Variants in KIRREL1 observed in about 807,000 individuals in gnomAD.
The protein encoded by KIRREL1 is kin of IRRE-like protein 1.
KIRREL1 carries 25 observed loss-of-function variants against 83.3 expected under a neutral mutation model. The ratio of observed to expected loss-of-function variants is 0.30; its 90% CI spans 0.22 to 0.42. The LOEUF is 0.42. KIRREL1 is among the 10% of genes least tolerant of loss of function. The pLI is 1.00. For synonymous variants in KIRREL1, 388 were observed against 410.4 expected (o/e 0.95, Z 0.66); for missense variants, 812 against 1,032.3 (o/e 0.79, Z 2.92).
chr1:158,067,128 C>T (rs1229946311), intron 1 of KIRREL1, among the ~76,000 whole-genome samples: 1 of 152,168 alleles, frequency 6.6e-6, no homozygotes, highest in Non-Finnish European at 1.5e-5. Flanking sequence ...TTTCCAGCAT[C>T]ACTTCCAGCC....
At chr1:158,006,767 C>G (rs1659529921) in intron 1 of KIRREL1, among the ~76,000 whole-genome samples, 1 of 152,222 alleles carries the variant, frequency 6.6e-6, no homozygotes, top group Admixed American at 6.5e-5. Flanking sequence ...GACCCTCCTC[C>G]TCTCTCCACG....
chr1:158,005,818 G>A (rs6698985), intron 1 of KIRREL1, among the ~76,000 whole-genome samples: 79,702 of 151,758 alleles, frequency 0.53, 21,264 homozygotes, highest in East Asian at 0.71. Context: ...CATGATGAGC[G>A]AACTCACTCT....
rs990471574 is a variant in KIRREL1 at position 158,050,985 on chromosome 1, T to C, written c.53-25128T>C. 5.3e-5 allele frequency among the ~76,000 whole-genome samples: 8 copies of C among 152,228 alleles called. No homozygotes were observed. The East Asian group carries it at 1.5e-3, about 29-fold the overall frequency. Reference sequence around the variant, plus strand: ...TGAAAACTTAAGAGCAGGAAGTTCTTCTTCATGTCTACCTTCGGTTTCTCC... The same window carrying C: ...TGAAAACTTAAGAGCAGGAAGTTCTCCTTCATGTCTACCTTCGGTTTCTCC... On this transcript the variant is annotated intron_variant, in intron 1 of 14. Coordinates refer to ENST00000359209, the MANE Select transcript of KIRREL1 (RefSeq NM_018240.7).
chr1:158,038,436 G>A (rs531996638), intron 1 of KIRREL1, among the ~76,000 whole-genome samples: 1 of 151,538 alleles, frequency 6.6e-6, no homozygotes, highest in East Asian at 1.9e-4. Flanking sequence ...AAGCAGAGTG[G>A]CATGAAAAAA....
chr1:157,994,197 A>AT (rs1473879317), intron 1 of KIRREL1, among the ~76,000 whole-genome samples: 4 of 152,012 alleles, frequency 2.6e-5, no homozygotes, highest in African/African-American at 4.8e-5. Flanking sequence ...TGCCAAGGGG[A>AT]TCCCCCTACT....
chr1:158,058,699 T>C (rs1661132247), intron 1 of KIRREL1, among the ~76,000 whole-genome samples: 1 of 152,146 alleles, frequency 6.6e-6, no homozygotes, highest in African/African-American at 2.4e-5. Context: ...TTTCAGTCCC[T>C]CGGGGATCTT....
rs61585802 is a variant in KIRREL1 at position 158,086,423 on chromosome 1, A to AACACACACAC, written c.511-155_511-146dup. Among the ~76,000 whole-genome samples, 14 of 148,394 alleles carry AACACACACAC rather than the reference A, an allele frequency of 9.4e-5. No individual in the cohort carries two copies. The East Asian group carries it at 1.2e-3, about 13-fold the overall frequency. On this transcript the variant is annotated intron_variant, in intron 4 of 14. Transcript: ENST00000359209. The stretch of plus-strand genomic sequence containing the variant: ...AAGATAATTAGTAGTCTATTGATTA[A>AACACACACAC]ACACACACACACACACACACACACA...
At chr1:158,061,108 C>T (rs1661205506) in intron 1 of KIRREL1, among the ~76,000 whole-genome samples, 1 of 151,730 alleles carries the variant, frequency 6.6e-6, no homozygotes. Context: ...AACCTAACCC[C>T]CCATCCATCC....
intron 1 of KIRREL1, among the ~76,000 whole-genome samples, chr1:158,072,842 G>A (rs2101620582): frequency 6.8e-6 from 1 of 147,236 alleles, no homozygotes; most frequent in East Asian, 2.1e-4. Context: ...GCAGTGAGGT[G>A]CAGGCCTCGG....
At chr1:158,089,114 C>T (rs1473419153) in intron 8 of KIRREL1, among the ~76,000 whole-genome samples, 1 of 152,128 alleles carries the variant, frequency 6.6e-6, no homozygotes, top group Non-Finnish European at 1.5e-5. Flanking sequence ...CTGGAGTCTA[C>T]AGCTCTGCAG....
intron 1 of KIRREL1, among the ~76,000 whole-genome samples, chr1:158,044,648 G>A (rs900331857): frequency 2.6e-5 from 4 of 152,040 alleles, no homozygotes; most frequent in Admixed American, 6.6e-5. Context: ...ACAGGCATGC[G>A]CCACCATGCC....
In KIRREL1 at chr1:158,087,798, G is replaced by A. The variant is rs1662059792; in HGVS notation, c.705G>A (p.Gln235=). 2 of 1,614,124 alleles carry A rather than the reference G, an allele frequency of 1.2e-6. No homozygotes were observed. The highest frequency in any genetic ancestry group is 1.7e-6 in the Non-Finnish European group (2 of 1,180,014). ...TGTCCATTGAGCCACAGACGGTGCA[G>A]GAGGGTGAGCGTGTTGTCTTTACCT... ...VTLSIEPQTV[Q]EGERVVFTCQ... The change falls in exon 6 of 15, where the codon CAG becomes CAA. Residue 235 remains glutamine (Q), a synonymous_variant. Transcript: ENST00000359209.
chr1:158,091,464 A>G lies in KIRREL1; in HGVS notation c.1379A>G (p.Asn460Ser). ...SGVLSTLTINNVMEADFQTHY... is the reference protein window; with the variant it reads ...SGVLSTLTINSVMEADFQTHY... ...GTGCTATCCACGCTCACCATCAACA[A>G]TGTCATGGAGGCCGACTTTCAGACT... is the stretch of plus-strand genomic sequence containing the variant. The change falls in exon 11 of 15, where the codon AAT (asparagine) becomes AGT (serine). Residue 460 changes from asparagine (N) to serine (S), a missense_variant. Physicochemically the swap from Asn to Ser is conservative, Grantham distance 46. This residue lies in a region of KIRREL1 where 472 missense variants were observed against 626.8 expected (regional missense o/e 0.75). Transcript: ENST00000359209. The G allele has an allele frequency of 1.2e-6, 2 of 1,614,220 alleles. No individual in the cohort carries two copies. Among genetic ancestry groups the G allele is most frequent in the Non-Finnish European group, 1.7e-6 (2 of 1,180,040 alleles).
chr1:157,995,942 C>T lies in KIRREL1; in HGVS notation c.52+2214C>T, dbSNP rs564256621. Among the ~76,000 whole-genome samples, 3 of 151,720 alleles carry T rather than the reference C, an allele frequency of 2.0e-5. No individual in the cohort carries two copies. The South Asian group carries it at 6.3e-4, about 32-fold the overall frequency. Reference sequence around the variant, plus strand: ...GTAGGGGTCTGGGGAGACTGGGACACACATGGGGGTGGAGAGCTTGGCAGG... The same window carrying T: ...GTAGGGGTCTGGGGAGACTGGGACATACATGGGGGTGGAGAGCTTGGCAGG... On this transcript the variant is annotated intron_variant, in intron 1 of 14. Coordinates refer to ENST00000359209, the MANE Select transcript of KIRREL1 (RefSeq NM_018240.7).
chr1:158,017,547 G>T (rs1162268627), intron 1 of KIRREL1, among the ~76,000 whole-genome samples: 1 of 151,930 alleles, frequency 6.6e-6, no homozygotes, highest in African/African-American at 2.4e-5. Flanking sequence ...ATACAAATTA[G>T]CTAGGCATGG....
At position 158,091,522 on chromosome 1, in the gene KIRREL1, G is replaced by C. The variant is rs1181660026; in HGVS notation, c.1437G>C (p.Gly479=). ...ACTGCACCGCCTGGAACAGCTTCGGGCCAGGCACAGCCATCATCCAGCTGG... is the reference window on the plus strand; with the variant it reads ...ACTGCACCGCCTGGAACAGCTTCGGCCCAGGCACAGCCATCATCCAGCTGG... ...HYNCTAWNSF[G]PGTAIIQLEE... The change falls in exon 11 of 15, where the codon GGG becomes GGC. Residue 479 remains glycine, a synonymous_variant. Transcript: ENST00000359209. 3.7e-6 allele frequency: 6 copies of C among 1,614,124 alleles called. No homozygotes were observed. The highest frequency in any genetic ancestry group is 5.1e-6 in the Non-Finnish European group (6 of 1,180,064).
At chr1:158,091,597 CCTGAGGATTCTGCTCCTT>C (rs1558019111) in intron 11 of KIRREL1, 41 bp downstream of exon 11, 3 of 1,584,216 alleles carry the variant, frequency 1.9e-6, no homozygotes, top group Non-Finnish European at 2.6e-6. Context: ...TGCAGAGCAG[CCTGAGGATTCTGCTCCTT>C]CTTTTCTCCA....
intron 1 of KIRREL1, among the ~76,000 whole-genome samples, chr1:158,029,370 C>CTGTGTGTGTGTGT (rs1258028201): frequency 5.7e-4 from 6 of 10,448 alleles, no homozygotes; most frequent in Non-Finnish European, 1.9e-3. Context: ...TGTGTGTGCA[C>CTGTGTGTGTGTGT]GTGCGCGCGC....
chr1:158,024,177 G>C (rs769284138), intron 1 of KIRREL1, among the ~76,000 whole-genome samples: 8 of 151,932 alleles, frequency 5.3e-5, no homozygotes, highest in Non-Finnish European at 1.2e-4. Flanking sequence ...TCGAACTCCT[G>C]ACCTCAGGTA....
Sources: allele counts gnomAD v4.1 joint callset (sites outside exome capture counted in the v4.1 genomes callset), GRCh38; gene constraint gnomAD v4.1.1; regional missense constraint gnomAD v4.1.1; transcripts MANE v1.5; gene names NCBI Gene and HGNC (gene_info 2026-07-23, HGNC 2026-07-21).